Variants in DCLK2 observed in about 807,000 individuals in gnomAD.
DCLK2 encodes serine/threonine-protein kinase DCLK2.
A neutral mutation model predicts 78.4 loss-of-function variants in DCLK2; 31 were observed. The observed-to-expected ratio is 0.40, with a 90% CI of 0.30 to 0.53. The LOEUF (loss-of-function observed/expected upper bound fraction) is 0.53, where lower values mean the gene tolerates loss of function less well. Among genes scored for constraint, DCLK2 ranks in the 20% least tolerant of loss-of-function variants. The pLI is 0.61. For missense variants in DCLK2, 872 were observed against 973.7 expected (o/e 0.90, Z 1.39); for synonymous variants, 407 against 374.9 (o/e 1.09, Z -0.99).
At chr4:150,138,140 G>C (rs558507290) in intron 2 of DCLK2, among the ~76,000 whole-genome samples, 18 of 152,304 alleles carry the variant, frequency 1.2e-4, no homozygotes, top group Non-Finnish European at 1.9e-4. Context: ...GTAGCTTCAA[G>C]GTTATAGACT....
rs548956739 is a variant in DCLK2 at position 150,203,930 on chromosome 4, A to T, written c.1056+41A>T. On this transcript the variant is annotated intron_variant, in intron 5 of 15. Coordinates refer to ENST00000296550, the MANE Select transcript of DCLK2 (RefSeq NM_001040260.4). ...TGTGGCATATTTGTGTGATTTTGTT[A>T]TTTAGAGTTTCATAGTTTAGCAGTT... 3 of 1,553,096 alleles carry T rather than the reference A, an allele frequency of 1.9e-6. No individual in the cohort carries two copies. The East Asian group carries it at 6.7e-5, about 35-fold the overall frequency.
intron 2 of DCLK2, among the ~76,000 whole-genome samples, chr4:150,154,753 A>C (rs543275752): frequency 6.6e-6 from 1 of 152,306 alleles, no homozygotes; most frequent in Non-Finnish European, 1.5e-5. Context: ...TATTTTTTAA[A>C]AATTTTACCT....
At chr4:150,253,400 G>C in intron 15 of DCLK2, 1 of 1,284,418 alleles carries the variant, frequency 7.8e-7, no homozygotes, top group Non-Finnish European at 1.0e-6. Context: ...GTGAGAAAAT[G>C]ATGGGCTAGA....
At position 150,079,331 on chromosome 4, in the gene DCLK2, C is replaced by G. The variant is rs1373107568; in HGVS notation, c.304C>G (p.Leu102Val). The part of the protein sequence containing the change: ...SSDRFRSFDA[L>V]LIELTRSLSD... Reference sequence around the variant, plus strand: ...CGACCGCTTCCGGTCCTTCGATGCGCTCCTCATAGAGCTCACCCGCTCCCT... The same window carrying G: ...CGACCGCTTCCGGTCCTTCGATGCGGTCCTCATAGAGCTCACCCGCTCCCT... The change falls in exon 1 of 16, where the codon CTC becomes GTC. Residue 102 changes from leucine (L) to valine (V), a missense_variant. Coordinates refer to ENST00000296550, the MANE Select transcript of DCLK2 (RefSeq NM_001040260.4). The G allele has an allele frequency of 1.3e-6, 2 of 1,589,150 alleles. No homozygotes were observed. The highest frequency in any genetic ancestry group is 1.7e-6 in the Non-Finnish European group (2 of 1,167,970).
intron 2 of DCLK2, among the ~76,000 whole-genome samples, chr4:150,150,878 G>A (rs10020361): frequency 0.2 from 30,373 of 152,174 alleles, 3,215 homozygotes; most frequent in Non-Finnish European, 0.23. Flanking sequence ...AATAAAGGAG[G>A]GCAGCACTGA....
intron 2 of DCLK2, among the ~76,000 whole-genome samples, chr4:150,103,390 A>G (rs1580505614): frequency 6.6e-6 from 1 of 152,212 alleles, no homozygotes; most frequent in Admixed American, 6.5e-5. Context: ...AATTATGGCA[A>G]CAATGTATCA....
At chr4:150,133,701 A>G (rs1057054048) in intron 2 of DCLK2, among the ~76,000 whole-genome samples, 2 of 152,244 alleles carry the variant, frequency 1.3e-5, no homozygotes, top group African/African-American at 2.4e-5. Context: ...AATGTGAACA[A>G]GGTGTTGTGG....
intron 2 of DCLK2, among the ~76,000 whole-genome samples, chr4:150,161,219 C>T (rs1252549666): frequency 6.6e-6 from 1 of 152,180 alleles, no homozygotes; most frequent in East Asian, 1.9e-4. Context: ...GTAGAATTGC[C>T]CAGATACAGG....
intron 8 of DCLK2, among the ~76,000 whole-genome samples, chr4:150,231,482 T>C (rs571161183): frequency 1.3e-5 from 2 of 152,386 alleles, no homozygotes; most frequent in East Asian, 3.9e-4. Flanking sequence ...GAGGTGGCTC[T>C]TAGCTTCATG....
intron 15 of DCLK2, among the ~76,000 whole-genome samples, chr4:150,250,859 C>T (rs1743753385): frequency 7.4e-6 from 1 of 135,030 alleles, no homozygotes; most frequent in Non-Finnish European, 1.7e-5. Context: ...CCCACATCCC[C>T]ACACCCCCAA....
intron 2 of DCLK2, among the ~76,000 whole-genome samples, chr4:150,140,292 A>G (rs567527985): frequency 2.0e-5 from 3 of 152,216 alleles, no homozygotes; most frequent in Non-Finnish European, 2.9e-5. Flanking sequence ...TGAAGAAATT[A>G]TCTACCTTTT....
At chr4:150,240,320 A>G (rs1580781119) in intron 11 of DCLK2, 79 bp from the exon 12 acceptor site, 1 of 1,169,408 alleles carries the variant, frequency 8.6e-7, no homozygotes, top group East Asian at 2.4e-5. Flanking sequence ...TTCCTAACAA[A>G]TAAAGGCAAT....
At chr4:150,185,773 A>G (rs1560845948) in intron 2 of DCLK2, among the ~76,000 whole-genome samples, 1 of 152,132 alleles carries the variant, frequency 6.6e-6, no homozygotes, top group East Asian at 1.9e-4. Flanking sequence ...ACGTTTTTGT[A>G]TCTTTTAATA....
At chr4:150,173,475 A>G (rs1274571790) in intron 2 of DCLK2, among the ~76,000 whole-genome samples, 1 of 152,134 alleles carries the variant, frequency 6.6e-6, no homozygotes, top group Non-Finnish European at 1.5e-5. Context: ...AAAGGCTCCT[A>G]AGGAATTCTG....
At chr4:150,088,909 C>T (rs770883993) in intron 1 of DCLK2, among the ~76,000 whole-genome samples, 2 of 152,202 alleles carry the variant, frequency 1.3e-5, no homozygotes, top group African/African-American at 4.8e-5. Context: ...ATGGCACATG[C>T]GTAGGCCGGC....
At chr4:150,190,760 G>A (rs1442970645) in intron 2 of DCLK2, among the ~76,000 whole-genome samples, 2 of 152,046 alleles carry the variant, frequency 1.3e-5, no homozygotes, top group Non-Finnish European at 2.9e-5. Flanking sequence ...AAAAAACATT[G>A]AATTGTGGAC....
chr4:150,132,506 G>T (rs1353684738), intron 2 of DCLK2, among the ~76,000 whole-genome samples: 1 of 152,244 alleles, frequency 6.6e-6, no homozygotes, highest in African/African-American at 2.4e-5. Context: ...GTTGTGTTCT[G>T]TGTGTAAACA....
intron 1 of DCLK2, among the ~76,000 whole-genome samples, chr4:150,099,864 C>T (rs1730766048): frequency 6.6e-6 from 1 of 152,170 alleles, no homozygotes; most frequent in Admixed American, 6.5e-5. Flanking sequence ...ATTTGCCAGC[C>T]TGCCTCAAAA....
At chr4:150,175,732 A>ATAAT in intron 2 of DCLK2, 1 of 152,174 alleles carries the variant, frequency 6.6e-6, no homozygotes, top group South Asian at 2.1e-4. Context: ...AATTTCTGTG[A>ATAAT]GCTTAAATAA....
Sources: gnomAD v4.1 joint callset for allele counts (sites outside exome capture counted in the v4.1 genomes callset) on GRCh38, gnomAD v4.1.1 for gene constraint, MANE v1.5 for transcripts, NCBI Gene and HGNC (gene_info 2026-07-23, HGNC 2026-07-21) for gene names.